The following ANKRD55 variants were observed in gnomAD, a reference collection of about 807,000 sequenced individuals.
The protein encoded by ANKRD55 is ankyrin repeat domain-containing protein 55.
In ANKRD55, 41 loss-of-function variants were observed where a neutral mutation model predicts 60.6. The ratio of observed to expected loss-of-function variants is 0.68; its 90% CI spans 0.53 to 0.88. The LOEUF is 0.88. ANKRD55 is among the 40% of genes least tolerant of loss of function. ANKRD55 has a pLI of 0.00. For synonymous variants in ANKRD55, 264 were observed against 290.3 expected (o/e 0.91, Z 0.92); for missense variants, 732 against 767.6 (o/e 0.95, Z 0.55).
intron 7 of ANKRD55, among the ~76,000 whole-genome samples, chr5:56,142,594 A>C (rs896982602): frequency 6.6e-6 from 1 of 152,164 alleles, no homozygotes; most frequent in African/African-American, 2.4e-5. Flanking sequence ...TGTTGAGGTG[A>C]CTATGTAGAA....
intron 2 of ANKRD55, among the ~76,000 whole-genome samples, chr5:56,229,683 C>A (rs921172697): frequency 6.6e-6 from 1 of 152,118 alleles, no homozygotes; most frequent in African/African-American, 2.4e-5. Flanking sequence ...TGGAGGGGTT[C>A]AGTCTTACCA....
chr5:56,191,817 A>C (rs916649094), intron 2 of ANKRD55, among the ~76,000 whole-genome samples: 3 of 152,248 alleles, frequency 2.0e-5, no homozygotes, highest in African/African-American at 7.2e-5. Context: ...ACAACAAGGA[A>C]ATAGGAAATG....
intron 5 of ANKRD55, among the ~76,000 whole-genome samples, chr5:56,166,891 T>A (rs1758497214): frequency 6.6e-6 from 1 of 152,300 alleles, no homozygotes; most frequent in Admixed American, 6.5e-5. Flanking sequence ...AGCCAGGAAG[T>A]TTTGTAAGAC....
chr5:56,219,177 G>A (rs1759898158), intron 2 of ANKRD55, among the ~76,000 whole-genome samples: 1 of 149,154 alleles, frequency 6.7e-6, no homozygotes, highest in Non-Finnish European at 1.5e-5. Flanking sequence ...GGAGGCTGGG[G>A]CAGGAGAATC....
chr5:56,183,151 T>C (rs913007938), intron 3 of ANKRD55, among the ~76,000 whole-genome samples: 3 of 152,350 alleles, frequency 2.0e-5, no homozygotes, highest in Admixed American at 2.0e-4. Context: ...GGGTTTTTAG[T>C]TGCATTTAGC....
intron 10 of ANKRD55, among the ~76,000 whole-genome samples, chr5:56,103,343 A>C (rs915983861): frequency 6.6e-6 from 1 of 152,232 alleles, no homozygotes; most frequent in African/African-American, 2.4e-5. Flanking sequence ...AAAAATCAGC[A>C]AGCACAGATT....
At chr5:56,202,191 A>G (rs778568827) in intron 2 of ANKRD55, among the ~76,000 whole-genome samples, 8 of 152,054 alleles carry the variant, frequency 5.3e-5, no homozygotes, top group Non-Finnish European at 8.8e-5. Context: ...AAGAGCTAAT[A>G]GATGCCGAGC....
chr5:56,158,051 C>T (rs1358443011), intron 6 of ANKRD55, among the ~76,000 whole-genome samples: 1 of 152,126 alleles, frequency 6.6e-6, no homozygotes, highest in Non-Finnish European at 1.5e-5. Flanking sequence ...CATAGTGGTG[C>T]ACACCTGTAG....
intron 2 of ANKRD55, among the ~76,000 whole-genome samples, chr5:56,189,085 A>G (rs1392210910): frequency 2.6e-5 from 4 of 152,106 alleles, no homozygotes. Context: ...ATGGACTTTA[A>G]TCATGTCACG....
intron 2 of ANKRD55, among the ~76,000 whole-genome samples, chr5:56,188,104 G>A (rs1396096508): frequency 6.6e-6 from 1 of 152,092 alleles, no homozygotes; most frequent in Non-Finnish European, 1.5e-5. Flanking sequence ...CCCTGGTCAG[G>A]GGCAGAACAT....
chr5:56,214,549 A>G (rs1440111144), intron 2 of ANKRD55, among the ~76,000 whole-genome samples: 1 of 152,224 alleles, frequency 6.6e-6, no homozygotes, highest in Non-Finnish European at 1.5e-5. Context: ...AAAGCAAGGG[A>G]TAAATATATC....
chr5:56,232,290 C>T (rs159553), intron 2 of ANKRD55, among the ~76,000 whole-genome samples: 10,983 of 151,976 alleles, frequency 0.072, 1,318 homozygotes, highest in African/African-American at 0.25. Flanking sequence ...GAAGATATAC[C>T]CTGGCATTGC....
At chr5:56,157,808 A>G (rs1758230292) in intron 6 of ANKRD55, among the ~76,000 whole-genome samples, 1 of 152,184 alleles carries the variant, frequency 6.6e-6, no homozygotes, top group African/African-American at 2.4e-5. Context: ...GGGAACTCAG[A>G]GACCGGAGCC....
chr5:56,147,880 TTTC>T (rs977241071), intron 6 of ANKRD55, among the ~76,000 whole-genome samples: 10 of 152,200 alleles, frequency 6.6e-5, no homozygotes, highest in South Asian at 2.1e-4. Flanking sequence ...TTCCTTCTCC[TTTC>T]TTCTTCTTCT....
chr5:56,148,338 C>A (rs1018414187), intron 6 of ANKRD55, among the ~76,000 whole-genome samples: 1 of 152,150 alleles, frequency 6.6e-6, no homozygotes, highest in East Asian at 1.9e-4. Context: ...AACAAACACC[C>A]AGATGGCCCT....
At chr5:56,118,296 C>A (rs1445004506) in intron 8 of ANKRD55, among the ~76,000 whole-genome samples, 6 of 152,076 alleles carry the variant, frequency 3.9e-5, no homozygotes, top group African/African-American at 1.4e-4. Flanking sequence ...ACATAGTCAA[C>A]AAAGTATTAC....
intron 2 of ANKRD55, among the ~76,000 whole-genome samples, chr5:56,229,957 T>C (rs962899414): frequency 6.6e-5 from 10 of 151,998 alleles, no homozygotes; most frequent in Non-Finnish European, 1.0e-4. Flanking sequence ...GGAAGAGGGG[T>C]AGGTTGGATG....
chr5:56,193,084 G>A, intron 2 of ANKRD55: 2 of 740,510 alleles, frequency 2.7e-6, no homozygotes, highest in Non-Finnish European at 4.3e-6. Flanking sequence ...TAGATAATTT[G>A]AGATGGCTTC....
intron 10 of ANKRD55, chr5:56,108,172 C>T (rs756690558): frequency 1.3e-5 from 2 of 152,090 alleles, no homozygotes; most frequent in Non-Finnish European, 2.9e-5. Flanking sequence ...TGCACCTGGC[C>T]GTGATAGCAA....
Sources: allele counts gnomAD v4.1 joint callset (sites outside exome capture counted in the v4.1 genomes callset), GRCh38; gene constraint gnomAD v4.1.1; transcripts MANE v1.5; gene names NCBI Gene and HGNC (gene_info 2026-07-23, HGNC 2026-07-21).